CCSER1: variants seen among roughly 807,000 people sequenced by gnomAD.
CCSER1 encodes the protein coiled-coil serine rich protein 1.
A neutral mutation model predicts 82.0 loss-of-function variants in CCSER1; 41 were observed. The observed-to-expected ratio is 0.50, with a 90% CI of 0.39 to 0.65. The LOEUF (loss-of-function observed/expected upper bound fraction) is 0.65. Among genes scored for constraint, CCSER1 ranks in the 30% least tolerant of loss-of-function variants. The pLI, the probability that CCSER1 is intolerant of heterozygous loss-of-function variation, is 0.00. For synonymous variants in CCSER1, 414 were observed against 383.9 expected, an observed-to-expected ratio of 1.08 and a Z score of -0.92; for missense variants, 1,119 against 1,064.2, an observed-to-expected ratio of 1.05 and a Z score of -0.72.
chr4:90,622,512 T>A (rs1034710893), intron 5 of CCSER1, among the ~76,000 whole-genome samples: 1 of 152,128 alleles, frequency 6.6e-6, no homozygotes, highest in Non-Finnish European at 1.5e-5. Context: ...AGTGAGAACA[T>A]GCGGTGTTTG....
chr4:91,082,440 C>T (rs555280503), intron 9 of CCSER1, among the ~76,000 whole-genome samples: 1 of 152,252 alleles, frequency 6.6e-6, no homozygotes, highest in South Asian at 2.1e-4. Context: ...AATGTCAGAC[C>T]TAAAACCATT....
chr4:90,141,020 A>ATATCTATCTATC (rs60163485), intron 1 of CCSER1, among the ~76,000 whole-genome samples: 26,088 of 145,796 alleles, frequency 0.18, 2,475 homozygotes, highest in Middle Eastern at 0.2. Context: ...ACCCAGCAAG[A>ATATCTATCTATC]TATCTATCTA....
intron 7 of CCSER1, among the ~76,000 whole-genome samples, chr4:90,796,829 T>G (rs1415347428): frequency 6.6e-6 from 1 of 152,222 alleles, no homozygotes; most frequent in African/African-American, 2.4e-5. Flanking sequence ...CTAATTTGAT[T>G]GTACTGTGGT....
intron 10 of CCSER1, among the ~76,000 whole-genome samples, chr4:91,186,739 T>C (rs1343145369): frequency 1.3e-5 from 2 of 152,164 alleles, no homozygotes; most frequent in Non-Finnish European, 2.9e-5. Context: ...TTATGGGAAA[T>C]GAAGGGATGG....
chr4:90,433,603 C>T (rs1293060379), intron 4 of CCSER1, among the ~76,000 whole-genome samples: 2 of 152,052 alleles, frequency 1.3e-5, no homozygotes, highest in Non-Finnish European at 2.9e-5. Flanking sequence ...ACCGAGTATA[C>T]ATTAAAATGT....
intron 1 of CCSER1, among the ~76,000 whole-genome samples, chr4:90,128,091 C>T (rs1722117167): frequency 6.6e-6 from 1 of 152,124 alleles, no homozygotes; most frequent in Non-Finnish European, 1.5e-5. Context: ...ATTTCCTCCA[C>T]GCTGCTGCGT....
intron 4 of CCSER1, among the ~76,000 whole-genome samples, chr4:90,418,226 A>T (rs537086737): frequency 6.6e-6 from 1 of 152,216 alleles, no homozygotes; most frequent in Non-Finnish European, 1.5e-5. Flanking sequence ...CATGTCCAGC[A>T]TATATATTTT....
intron 10 of CCSER1, among the ~76,000 whole-genome samples, chr4:91,276,871 T>G (rs1053652273): frequency 1.3e-5 from 2 of 152,142 alleles, no homozygotes; most frequent in Non-Finnish European, 2.9e-5. Context: ...AAAGGAATGT[T>G]GAATTTTTCC....
chr4:90,691,660 C>G (rs751685150), intron 6 of CCSER1, among the ~76,000 whole-genome samples: 10 of 150,770 alleles, frequency 6.6e-5, no homozygotes, highest in Non-Finnish European at 1.3e-4. Context: ...TACACACATG[C>G]ATATGTACGT....
At chr4:90,735,380 A>C (rs1191059055) in intron 7 of CCSER1, among the ~76,000 whole-genome samples, 1 of 152,144 alleles carries the variant, frequency 6.6e-6, no homozygotes. Context: ...ACTTTTCAGA[A>C]TAGCTTGAGG....
At chr4:90,167,873 ATTGTTGGACATTT>A (rs1265181958) in intron 1 of CCSER1, among the ~76,000 whole-genome samples, 4 of 151,966 alleles carry the variant, frequency 2.6e-5, no homozygotes, top group African/African-American at 9.7e-5. Context: ...CCAGTCTATC[ATTGTTGGACATTT>A]GGGTTGGTTC....
intron 9 of CCSER1, among the ~76,000 whole-genome samples, chr4:91,072,000 T>G (rs942034113): frequency 5.3e-5 from 8 of 152,298 alleles, no homozygotes; most frequent in African/African-American, 1.9e-4. Context: ...GTCTCATATC[T>G]GAACTGGAAA....
intron 3 of CCSER1, among the ~76,000 whole-genome samples, chr4:90,337,057 A>G (rs1234528757): frequency 6.6e-6 from 1 of 152,192 alleles, no homozygotes; most frequent in Non-Finnish European, 1.5e-5. Context: ...ATCAGAATCA[A>G]TAAGGCCTGA....
chr4:90,296,724 C>T (rs1406466504), intron 1 of CCSER1, among the ~76,000 whole-genome samples: 2 of 152,024 alleles, frequency 1.3e-5, no homozygotes, highest in Non-Finnish European at 2.9e-5. Context: ...TACCCAGTTT[C>T]CCCAGCACCA....
chr4:91,204,639 GA>G (rs111661724), intron 10 of CCSER1, among the ~76,000 whole-genome samples: 6 of 151,098 alleles, frequency 4.0e-5, no homozygotes, highest in South Asian at 2.1e-4. Context: ...TAAATAAACT[GA>G]AAAAAAATCA....
intron 1 of CCSER1, among the ~76,000 whole-genome samples, chr4:90,207,501 C>T (rs1446748970): frequency 3.3e-5 from 5 of 152,152 alleles, no homozygotes; most frequent in African/African-American, 9.7e-5. Flanking sequence ...TCTGTCAATT[C>T]GTCAAGCTCA....
At chr4:90,218,817 C>T (rs1335728813) in intron 1 of CCSER1, among the ~76,000 whole-genome samples, 1 of 151,878 alleles carries the variant, frequency 6.6e-6, no homozygotes, top group African/African-American at 2.4e-5. Flanking sequence ...ACCAGGAGTT[C>T]AAGACCAGCC....
rs1433795378 is a variant in CCSER1 at position 91,603,469 on chromosome 4, T to C, written c.*4412T>C. On this transcript the variant is annotated 3_prime_UTR_variant, in exon 11 of 11. Transcript: ENST00000509176. ...TGAAGGCAGTTCACTCTGTTTAAGATGTGGAGAATTTCCTACAAATAGTTA... is the reference window on the plus strand; with the variant it reads ...TGAAGGCAGTTCACTCTGTTTAAGACGTGGAGAATTTCCTACAAATAGTTA... The C allele has an allele frequency of 7.9e-5, 12 of 152,128 alleles. 1 individual carries two copies. Among genetic ancestry groups the C allele is most frequent in the Non-Finnish European group, 1.8e-4 (12 of 67,986 alleles). 9.4% of individuals were successfully genotyped at this position (152,128 alleles called of 1,614,324 possible). A position where few individuals can be genotyped will look rare whatever the true frequency, so the allele number is the denominator to read the frequency against.
At chr4:90,607,776 A>G (rs28645201) in intron 5 of CCSER1, among the ~76,000 whole-genome samples, 6,127 of 152,262 alleles carry the variant, frequency 0.04, 453 homozygotes, top group East Asian at 0.35. Flanking sequence ...GACACAATTC[A>G]ACCCATACAG....
Sources: allele counts gnomAD v4.1 joint callset (sites outside exome capture counted in the v4.1 genomes callset), GRCh38; gene constraint gnomAD v4.1.1; transcripts MANE v1.5; gene names NCBI Gene and HGNC (gene_info 2026-07-23, HGNC 2026-07-21).